The following PRUNE2 variants were observed in gnomAD, a reference collection of about 807,000 sequenced individuals.
The protein encoded by PRUNE2 is prune homolog 2 with BCH domain.
PRUNE2 carries 164 observed loss-of-function variants against 252.0 expected under a neutral mutation model. That is an observed-to-expected ratio of 0.65 (90% confidence interval 0.57 to 0.74). The LOEUF is 0.74. Among genes scored for constraint, PRUNE2 ranks in the 30% least tolerant of loss-of-function variants. PRUNE2 has a pLI of 0.00. For synonymous variants in PRUNE2, 1,292 were observed against 1,350.2 expected (o/e 0.96, Z 0.94); for missense variants, 3,495 against 3,711.0 (o/e 0.94, Z 1.51).
intron 9 of PRUNE2, among the ~76,000 whole-genome samples, chr9:76,680,519 G>A (rs2043310890): frequency 6.6e-6 from 1 of 152,176 alleles, no homozygotes; most frequent in Non-Finnish European, 1.5e-5. Context: ...ATTACCATAT[G>A]ATTTATCAAT....
rs2046426763 is a variant in PRUNE2, at chr9:76,707,939, C to T, written c.4335G>A (p.Glu1445=). The part of the protein sequence containing the change: ...MSQRNSGETT[E]TSDGMNFTKY... Reference sequence around the variant, plus strand: ...TTGTGAAATTCATCCCATCTGAAGTCTCAGTAGTTTCACCTGAATTTCTTT... The same window carrying T: ...TTGTGAAATTCATCCCATCTGAAGTTTCAGTAGTTTCACCTGAATTTCTTT... The change falls in exon 8 of 19, where the codon GAG becomes GAA. Residue 1445 remains glutamate (E), a synonymous_variant. Coordinates refer to ENST00000376718, the MANE Select transcript of PRUNE2 (RefSeq NM_015225.3). The T allele has an allele frequency of 6.2e-7, 1 of 1,613,896 alleles. No individual in the cohort carries two copies. The highest frequency in any genetic ancestry group is 2.2e-5 in the East Asian group (1 of 44,874).
chr9:76,880,122 C>G (rs1263910481), intron 1 of PRUNE2, among the ~76,000 whole-genome samples: 1 of 151,582 alleles, frequency 6.6e-6, no homozygotes, highest in East Asian at 1.9e-4. Flanking sequence ...ACCGTGTTAG[C>G]CAGGATGGTC....
intron 6 of PRUNE2, among the ~76,000 whole-genome samples, chr9:76,813,769 G>A (rs1260048809): frequency 6.6e-6 from 1 of 152,110 alleles, no homozygotes; most frequent in Admixed American, 6.5e-5. Context: ...AAAGAATAAA[G>A]AGTATACATT....
At chr9:76,851,984 T>C (rs1469740257) in intron 2 of PRUNE2, among the ~76,000 whole-genome samples, 2 of 152,230 alleles carry the variant, frequency 1.3e-5, no homozygotes, top group Non-Finnish European at 2.9e-5. Context: ...AAATGGCCTT[T>C]ACTCTCACAC....
chr9:76,854,113 A>G lies in PRUNE2; in HGVS notation c.132T>C (p.Phe44=), dbSNP rs1214420608. The G allele has an allele frequency of 6.4e-7, 1 of 1,571,768 alleles. No individual in the cohort carries two copies. Among genetic ancestry groups the G allele is most frequent in the Non-Finnish European group, 8.7e-7 (1 of 1,145,986 alleles). The part of the protein sequence containing the change: ...SLISTFTYAY[F]LDKVSPPGVL... ...CCCTTTTTTCCCTCACCTTGTCTAG[A>G]AAGTAAGCATATGTGAAGGTAGAAA... is the stretch of plus-strand genomic sequence containing the variant. The change falls in exon 2 of 19, where the codon TTT becomes TTC. Residue 44 remains phenylalanine, a synonymous_variant. Transcript: ENST00000376718.
intron 6 of PRUNE2, among the ~76,000 whole-genome samples, chr9:76,775,306 T>C (rs922421400): frequency 2.6e-5 from 4 of 151,010 alleles, no homozygotes; most frequent in Non-Finnish European, 5.9e-5. Context: ...TACTTTGTCT[T>C]TTTTTTTTGA....
rs571519244 is a variant in PRUNE2 at position 76,790,248 on chromosome 9, C to T, written c.756+33384G>A. On this transcript the variant is annotated intron_variant, in intron 6 of 18. Coordinates refer to ENST00000376718, the MANE Select transcript of PRUNE2 (RefSeq NM_015225.3). Reference sequence around the variant, plus strand: ...AGCAGCTTGAGGAAAGAGGCCATGTCTTTGTGTCCCAACAATTCCCATGCT... The same window carrying T: ...AGCAGCTTGAGGAAAGAGGCCATGTTTTTGTGTCCCAACAATTCCCATGCT... Among the ~76,000 whole-genome samples the T allele has an allele frequency of 2.0e-5, 3 of 152,286 alleles. No homozygotes were observed. The South Asian group carries it at 6.2e-4, about 32-fold the overall frequency.
At chr9:76,733,019 T>C (rs1194420654) in intron 6 of PRUNE2, among the ~76,000 whole-genome samples, 1 of 152,192 alleles carries the variant, frequency 6.6e-6, no homozygotes, top group Non-Finnish European at 1.5e-5. Context: ...TTTATATAGA[T>C]TTTTTTAAAT....
At chr9:76,635,576 A>G (rs1253244347) in intron 15 of PRUNE2, among the ~76,000 whole-genome samples, 1 of 152,198 alleles carries the variant, frequency 6.6e-6, no homozygotes, top group Non-Finnish European at 1.5e-5. Context: ...GAATAAGAAT[A>G]ATAAATAAAT....
chr9:76,826,157 G>A (rs1402095532), intron 5 of PRUNE2, among the ~76,000 whole-genome samples: 1 of 152,194 alleles, frequency 6.6e-6, no homozygotes, highest in Non-Finnish European at 1.5e-5. Flanking sequence ...ACAAGCAATA[G>A]GAAGAAGGTG....
intron 1 of PRUNE2, among the ~76,000 whole-genome samples, chr9:76,868,257 T>C (rs1039101372): frequency 3.9e-5 from 6 of 152,220 alleles, no homozygotes; most frequent in Non-Finnish European, 8.8e-5. Context: ...ACATCCAAAA[T>C]AACAAAGCTA....
chr9:76,688,757 C>T (rs1263197230), intron 9 of PRUNE2, among the ~76,000 whole-genome samples: 1 of 152,192 alleles, frequency 6.6e-6, no homozygotes, highest in African/African-American at 2.4e-5. Flanking sequence ...TGACAAAAAA[C>T]ACTGAATACA....
intron 9 of PRUNE2, among the ~76,000 whole-genome samples, chr9:76,687,248 C>T (rs971259175): frequency 7.2e-5 from 11 of 152,328 alleles, no homozygotes; most frequent in Admixed American, 2.6e-4. Context: ...CTCAGCTGCT[C>T]TCTTGGGATC....
At chr9:76,666,097 G>A (rs766057635) in intron 9 of PRUNE2, among the ~76,000 whole-genome samples, 6 of 152,202 alleles carry the variant, frequency 3.9e-5, no homozygotes, top group Non-Finnish European at 7.3e-5. Flanking sequence ...GAAGTGACCA[G>A]AAGACAAGAG....
intron 4 of PRUNE2, among the ~76,000 whole-genome samples, chr9:76,831,080 C>T (rs886187724): frequency 2.0e-5 from 3 of 152,038 alleles, no homozygotes; most frequent in Admixed American, 6.6e-5. Flanking sequence ...CAGGCACCCG[C>T]CACCACGCCC....
At chr9:76,904,170 A>T (rs2063342041) in intron 1 of PRUNE2, among the ~76,000 whole-genome samples, 2 of 152,188 alleles carry the variant, frequency 1.3e-5, no homozygotes, top group African/African-American at 4.8e-5. Context: ...AATTAGCAGT[A>T]ATTGTTCTGG....
intron 15 of PRUNE2, among the ~76,000 whole-genome samples, chr9:76,636,267 T>G (rs1455618868): frequency 6.6e-6 from 1 of 152,200 alleles, no homozygotes; most frequent in Non-Finnish European, 1.5e-5. Flanking sequence ...TATAATGATC[T>G]GGGGGAAATA....
At chr9:76,806,985 A>G (rs1488832815) in intron 6 of PRUNE2, among the ~76,000 whole-genome samples, 1 of 151,470 alleles carries the variant, frequency 6.6e-6, no homozygotes, top group Non-Finnish European at 1.5e-5. Context: ...CTCCAACCCA[A>G]GTAGATTCCA....
intron 7 of PRUNE2, 73 bp from the exon 8 acceptor site, chr9:76,711,431 T>C: frequency 1.1e-6 from 1 of 877,380 alleles, no homozygotes; most frequent in South Asian, 1.8e-5. Context: ...TTGCAATTTA[T>C]CTCGCTTAAT....
Sources: allele counts gnomAD v4.1 joint callset (sites outside exome capture counted in the v4.1 genomes callset), GRCh38; gene constraint gnomAD v4.1.1; transcripts MANE v1.5; gene names NCBI Gene and HGNC (gene_info 2026-07-23, HGNC 2026-07-21).